ROBO2: variants seen among roughly 807,000 people sequenced by gnomAD.
ROBO2 encodes the protein roundabout homolog 2.
In ROBO2, 53 loss-of-function variants were observed where a neutral mutation model predicts 160.8. The observed-to-expected ratio is 0.33, with a 90% CI of 0.26 to 0.41. ROBO2 has a LOEUF of 0.41. ROBO2 is among the 10% of genes least tolerant of loss of function. The pLI is 1.00. For synonymous variants in ROBO2, 664 were observed against 611.7 expected (o/e 1.09, Z -1.26); for missense variants, 1,577 against 1,722.4 (o/e 0.92, Z 1.49).
chr3:76,382,404 C>G (rs1035645359), intron 2 of ROBO2, among the ~76,000 whole-genome samples: 2 of 152,090 alleles, frequency 1.3e-5, no homozygotes, highest in Non-Finnish European at 1.5e-5. Context: ...CTGGCTAACA[C>G]GGTGGAACCC....
At chr3:76,062,516 A>T (rs1486674905) in intron 2 of ROBO2, among the ~76,000 whole-genome samples, 2 of 152,128 alleles carry the variant, frequency 1.3e-5, no homozygotes, top group African/African-American at 2.4e-5. Flanking sequence ...TCCTTCATTG[A>T]TATGAAGTGA....
intron 2 of ROBO2, among the ~76,000 whole-genome samples, chr3:77,396,115 T>A (rs1412217298): frequency 1.3e-5 from 2 of 151,924 alleles, no homozygotes; most frequent in Non-Finnish European, 2.9e-5. Context: ...CATCCATCCA[T>A]CCCTGAGTTA....
At chr3:77,593,217 A>G (rs1007909196) in intron 17 of ROBO2, among the ~76,000 whole-genome samples, 24 of 152,008 alleles carry the variant, frequency 1.6e-4, no homozygotes, top group Admixed American at 1.4e-3. Context: ...GTCCATTAAA[A>G]AAAAAAAAAA....
intron 2 of ROBO2, among the ~76,000 whole-genome samples, chr3:77,219,484 A>C (rs1414986034): frequency 2.3e-4 from 21 of 90,708 alleles, no homozygotes; most frequent in Admixed American, 5.9e-4. Context: ...ATATATATAT[A>C]ATCTGTATAT....
chr3:76,194,125 C>A (rs538017841), intron 2 of ROBO2, among the ~76,000 whole-genome samples: 1 of 151,688 alleles, frequency 6.6e-6, no homozygotes, highest in African/African-American at 2.4e-5. Context: ...TCTAGTAATG[C>A]AAGTTTAATT....
intron 2 of ROBO2, among the ~76,000 whole-genome samples, chr3:76,372,123 A>G: frequency 6.6e-6 from 1 of 152,058 alleles, no homozygotes; most frequent in Non-Finnish European, 1.5e-5. Context: ...TTGTACAAAT[A>G]CAATAAAATT....
chr3:76,598,595 C>A (rs1264559722), intron 2 of ROBO2, among the ~76,000 whole-genome samples: 1 of 151,998 alleles, frequency 6.6e-6, no homozygotes, highest in Non-Finnish European at 1.5e-5. Flanking sequence ...TGTATTAGTT[C>A]TTAAAAGTCC....
At chr3:77,366,684 T>A (rs56401828) in intron 2 of ROBO2, among the ~76,000 whole-genome samples, 18,563 of 152,008 alleles carry the variant, frequency 0.12, 1,334 homozygotes, top group Middle Eastern at 0.17. Context: ...TTGCCTCTGA[T>A]AAGGGCATCA....
chr3:76,878,754 T>C (rs11127564), intron 2 of ROBO2, among the ~76,000 whole-genome samples: 53,704 of 151,982 alleles, frequency 0.35, 10,289 homozygotes, highest in South Asian at 0.49. Flanking sequence ...CACCCAGAGA[T>C]ACCTTAAAAA....
chr3:77,354,106 G>A (rs2068723180), intron 2 of ROBO2, among the ~76,000 whole-genome samples: 1 of 152,102 alleles, frequency 6.6e-6, no homozygotes, highest in Non-Finnish European at 1.5e-5. Flanking sequence ...GTTGTTTGAG[G>A]ATGTTGTTCT....
intron 2 of ROBO2, among the ~76,000 whole-genome samples, chr3:76,758,636 A>G (rs1283385199): frequency 6.6e-6 from 1 of 151,766 alleles, no homozygotes; most frequent in Non-Finnish European, 1.5e-5. Flanking sequence ...ATCAGCTGTA[A>G]TGGTTATCCC....
chr3:77,114,828 T>C lies in ROBO2; in HGVS notation c.388+16488T>C, dbSNP rs960413722. Among the ~76,000 whole-genome samples, 4 of 152,324 alleles carry C rather than the reference T, an allele frequency of 2.6e-5. No individual in the cohort carries two copies. In the East Asian group the frequency reaches 7.7e-4, roughly 29 times the overall value. Reference sequence around the variant, plus strand: ...CTTACACCTTGTATATAAAATGTTTTGTTAGGTGAAATGTATTTTATCTAT... The same window carrying C: ...CTTACACCTTGTATATAAAATGTTTCGTTAGGTGAAATGTATTTTATCTAT... On this transcript the variant is annotated intron_variant, in intron 2 of 25. Transcript: ENST00000461745.
At chr3:77,043,731 G>T (rs1190543404) in intron 1 of ROBO2, among the ~76,000 whole-genome samples, 2 of 151,926 alleles carry the variant, frequency 1.3e-5, no homozygotes, top group African/African-American at 4.8e-5. Context: ...ATGAACTATG[G>T]CAACACTTTT....
At chr3:76,634,091 A>G (rs898688246) in intron 2 of ROBO2, among the ~76,000 whole-genome samples, 1 of 152,252 alleles carries the variant, frequency 6.6e-6, no homozygotes, top group Non-Finnish European at 1.5e-5. Flanking sequence ...GGATGGCTTA[A>G]ACAACAGAAA....
intron 2 of ROBO2, among the ~76,000 whole-genome samples, chr3:76,495,513 A>T (rs1021268335): frequency 6.6e-6 from 1 of 152,182 alleles, no homozygotes; most frequent in East Asian, 1.9e-4. Context: ...TTTGTTCACT[A>T]GCAATCATCA....
chr3:77,394,353 G>A (rs1028412800), intron 2 of ROBO2, among the ~76,000 whole-genome samples: 1 of 151,980 alleles, frequency 6.6e-6, no homozygotes, highest in South Asian at 2.1e-4. Context: ...CCCTATTCTT[G>A]AAGTGAAAAG....
intron 2 of ROBO2, among the ~76,000 whole-genome samples, chr3:76,601,866 G>T (rs1416172071): frequency 6.6e-6 from 1 of 152,120 alleles, no homozygotes; most frequent in Non-Finnish European, 1.5e-5. Context: ...CATTGTCTGG[G>T]TTCAAGTTTT....
intron 2 of ROBO2, among the ~76,000 whole-genome samples, chr3:77,251,700 G>A (rs947133151): frequency 6.6e-6 from 1 of 152,056 alleles, no homozygotes; most frequent in African/African-American, 2.4e-5. Flanking sequence ...AATCACGGGG[G>A]CGGTCTCCCC....
rs79316772 is a variant in ROBO2, at chr3:76,092,161, C to T, written c.109+154559C>T. Among the ~76,000 whole-genome samples the T allele has an allele frequency of 8.2e-3, 1,250 of 152,090 alleles. 10 individuals are homozygous for T. The highest frequency in any genetic ancestry group is 8.8e-3 in the Non-Finnish European group (598 of 67,990). On this transcript the variant is annotated intron_variant, in intron 2 of 26. Coordinates refer to the ROBO2 transcript ENST00000487694. ...GGGATGTTGATAGTGTGGGACGTTG[C>T]GCATGTGTGGGGACAAAAAGTTTAT...
Sources: allele counts gnomAD v4.1 joint callset (sites outside exome capture counted in the v4.1 genomes callset), GRCh38; gene constraint gnomAD v4.1.1; transcripts MANE v1.5; gene names NCBI Gene and HGNC (gene_info 2026-07-23, HGNC 2026-07-21).